Variants in PLXNA4 observed in about 807,000 individuals in gnomAD.
The protein encoded by PLXNA4 is plexin A4, also known as plexin-A4.
A neutral mutation model predicts 191.8 loss-of-function variants in PLXNA4; 44 were observed. The ratio of observed to expected loss-of-function variants is 0.23; its 90% CI spans 0.18 to 0.29. The LOEUF is 0.29. Among genes scored for constraint, PLXNA4 ranks in the 10% least tolerant of loss-of-function variants. The pLI, the probability that PLXNA4 is intolerant of heterozygous loss-of-function variation, is 1.00. For missense variants in PLXNA4, 1,800 were observed against 2,488.8 expected (o/e 0.72, Z 5.89); for synonymous variants, 1,082 against 1,009.5 (o/e 1.07, Z -1.36).
intron 3 of PLXNA4, among the ~76,000 whole-genome samples, chr7:132,368,681 G>A (rs954283686): frequency 4.6e-5 from 7 of 152,188 alleles, no homozygotes; most frequent in African/African-American, 1.4e-4. Context: ...CACCATGCCC[G>A]TCCCCATCAA....
At chr7:132,552,942 G>A (rs1563167355) in intron 1 of PLXNA4, among the ~76,000 whole-genome samples, 1 of 152,216 alleles carries the variant, frequency 6.6e-6, no homozygotes, top group Non-Finnish European at 1.5e-5. Flanking sequence ...TCTTAGGGGT[G>A]ATTCTGCCAG....
intron 3 of PLXNA4, among the ~76,000 whole-genome samples, chr7:132,462,940 G>A (rs1796570678): frequency 6.8e-6 from 1 of 146,494 alleles, no homozygotes; most frequent in Non-Finnish European, 1.5e-5. Flanking sequence ...ACCTCTGCCT[G>A]TCAGGTTCAA....
In PLXNA4 at chr7:132,123,597, C is replaced by T. The variant is rs1227743195; in HGVS notation, c.*6882G>A. The T allele has an allele frequency of 1.3e-5, 2 of 151,782 alleles. No individual in the cohort carries two copies. Among genetic ancestry groups the T allele is most frequent in the East Asian group, 3.9e-4 (2 of 5,168 alleles). The allele number at this position is 151,782 out of a possible 1,614,324, so 9.4% of individuals were successfully genotyped here. A position where few individuals can be genotyped will look rare whatever the true frequency, so the allele number is the denominator to read the frequency against. ...TCTTTAAAAATCAAAACCAGAAGAC[C>T]CTCTTCTTAGAGATCTCATCCACAT... On this transcript the variant is annotated 3_prime_UTR_variant, in exon 32 of 32. Coordinates refer to ENST00000321063, the MANE Select transcript of PLXNA4 (RefSeq NM_020911.2).
chr7:132,464,359 G>A (rs1000280006), intron 3 of PLXNA4, among the ~76,000 whole-genome samples: 1 of 152,058 alleles, frequency 6.6e-6, no homozygotes, highest in Non-Finnish European at 1.5e-5. Context: ...CCACCAGAAG[G>A]CCCCTGTGGC....
intron 21 of PLXNA4, among the ~76,000 whole-genome samples, chr7:132,171,004 G>A (rs1796269637): frequency 1.3e-5 from 2 of 152,096 alleles, no homozygotes; most frequent in Admixed American, 1.3e-4. Context: ...GCCTCCCCCA[G>A]TTCTCCCCAC....
intron 2 of PLXNA4, among the ~76,000 whole-genome samples, chr7:132,597,295 C>T (rs570316435): frequency 3.3e-5 from 5 of 152,278 alleles, no homozygotes; most frequent in African/African-American, 1.2e-4. Flanking sequence ...CTCTATAAGG[C>T]CACTTCTCAT....
At chr7:132,286,447 A>G (rs1378269408) in intron 4 of PLXNA4, among the ~76,000 whole-genome samples, 1 of 152,228 alleles carries the variant, frequency 6.6e-6, no homozygotes, top group Non-Finnish European at 1.5e-5. Context: ...GAGAAGGCGC[A>G]ATAATTGTCA....
At position 132,133,063 on chromosome 7, in the gene PLXNA4, T is replaced by C; in HGVS notation, c.5575A>G (p.Lys1859Glu). 6.2e-7 allele frequency: 1 copy of C among 1,614,070 alleles called. No individual in the cohort carries two copies. Among genetic ancestry groups the C allele is most frequent in the South Asian group, 1.1e-5 (1 of 91,052 alleles). ...GCAAAGCTTACCTCCTCGCTGTATTTGCCCACATAGGAGAAGATCTCTGAG... is the reference window on the plus strand; with the variant it reads ...GCAAAGCTTACCTCCTCGCTGTATTCGCCCACATAGGAGAAGATCTCTGAG... ...ALSEIFSYVG[K>E]YSEEILGPLD... Residue 1859 changes from lysine (K) to glutamate (E), a missense_variant, in exon 31 of 32, where the codon AAA (lysine) becomes GAA (glutamate). Transcript: ENST00000321063.
In PLXNA4 at chr7:132,180,494, C is replaced by G. The variant is rs926845263; in HGVS notation, c.3639+92G>C. 6.4e-6 allele frequency: 10 copies of G among 1,561,732 alleles called. No homozygotes were observed. The Middle Eastern group carries it at 8.0e-4, about 125-fold the overall frequency. On this transcript the variant is annotated intron_variant, in intron 19 of 31. Coordinates refer to ENST00000321063, the MANE Select transcript of PLXNA4 (RefSeq NM_020911.2). ...GCTACAGGAAAAGTTCTTTGTGGGACAGAATCCCCTCTTGGAAAGCCTTGG... is the reference window on the plus strand; with the variant it reads ...GCTACAGGAAAAGTTCTTTGTGGGAGAGAATCCCCTCTTGGAAAGCCTTGG...
chr7:132,572,897 T>C (rs1298324738), intron 1 of PLXNA4, among the ~76,000 whole-genome samples: 2 of 152,160 alleles, frequency 1.3e-5, no homozygotes, highest in Admixed American at 6.5e-5. Context: ...ATCATGTGCA[T>C]CTCCCAAACA....
chr7:132,405,594 T>A (rs1378965495), intron 3 of PLXNA4, among the ~76,000 whole-genome samples: 2 of 152,094 alleles, frequency 1.3e-5, no homozygotes, highest in Non-Finnish European at 2.9e-5. Flanking sequence ...GCCTCCTCAA[T>A]CTGGAGCCCA....
At chr7:132,311,194 G>GTGTGTGCA (rs1491367840) in intron 3 of PLXNA4, among the ~76,000 whole-genome samples, 1 of 82,770 alleles carries the variant, frequency 1.2e-5, no homozygotes, top group African/African-American at 5.0e-5. Context: ...GTGTGTGTGT[G>GTGTGTGCA]CGCGTGTGGC....
chr7:132,254,942 A>G (rs1031741880), intron 4 of PLXNA4, among the ~76,000 whole-genome samples: 11 of 152,002 alleles, frequency 7.2e-5, no homozygotes, highest in Non-Finnish European at 1.6e-4. Context: ...CCTGGGGTGG[A>G]GATGGGGTAG....
intron 3 of PLXNA4, among the ~76,000 whole-genome samples, chr7:132,321,892 C>G (rs1202460918): frequency 6.6e-6 from 1 of 152,082 alleles, no homozygotes; most frequent in East Asian, 1.9e-4. Context: ...CATAGGAAGT[C>G]CTAAACTCCA....
chr7:132,435,306 G>C (rs79642314), intron 3 of PLXNA4, among the ~76,000 whole-genome samples: 3 of 151,984 alleles, frequency 2.0e-5, no homozygotes, highest in Non-Finnish European at 2.9e-5. Context: ...AGGTGGGGAG[G>C]GGGGAGAGAT....
rs998088804 is a variant in PLXNA4, at chr7:132,321,155, G to A, written c.1372-22933C>T. On this transcript the variant is annotated intron_variant, in intron 3 of 31. Transcript: ENST00000321063. ...CTGGCTCTCCGTCCGCCACCCCCTCGCGCTTACTTGCATGCCCTCACTTCC... is the reference window on the plus strand; with the variant it reads ...CTGGCTCTCCGTCCGCCACCCCCTCACGCTTACTTGCATGCCCTCACTTCC... 4.6e-5 allele frequency among the ~76,000 whole-genome samples: 7 copies of A among 152,106 alleles called. No individual in the cohort carries two copies. In the South Asian group the frequency reaches 1.0e-3, roughly 23 times the overall value.
chr7:132,315,303 A>T (rs1801901783), intron 3 of PLXNA4, among the ~76,000 whole-genome samples: 1 of 152,236 alleles, frequency 6.6e-6, no homozygotes, highest in South Asian at 2.1e-4. Flanking sequence ...CACACATTTC[A>T]AATAAGATTT....
At chr7:132,420,144 C>T (rs1210263572) in intron 3 of PLXNA4, among the ~76,000 whole-genome samples, 3 of 152,188 alleles carry the variant, frequency 2.0e-5, no homozygotes, top group East Asian at 3.8e-4. Flanking sequence ...CACCTGCCCA[C>T]GAGTCAAGGT....
chr7:132,197,945 A>C lies in PLXNA4; in HGVS notation c.2738+540T>G, dbSNP rs771294855. On this transcript the variant is annotated intron_variant, in intron 13 of 31. Coordinates refer to ENST00000321063, the MANE Select transcript of PLXNA4 (RefSeq NM_020911.2). ...ATGGTGCTTACTTATTTACAAGGCC[A>C]TGCATGATTCACAAACCTCCTCTAC... is the stretch of plus-strand genomic sequence containing the variant. Among the ~76,000 whole-genome samples, 8 of 152,212 alleles carry C rather than the reference A, an allele frequency of 5.3e-5. No homozygotes were observed. The South Asian group carries it at 6.2e-4, about 12-fold the overall frequency.
Sources: allele counts gnomAD v4.1 joint callset (sites outside exome capture counted in the v4.1 genomes callset), GRCh38; gene constraint gnomAD v4.1.1; transcripts MANE v1.5; gene names NCBI Gene and HGNC (gene_info 2026-07-23, HGNC 2026-07-21).